Variants in MAP2K4 observed in about 807,000 individuals in gnomAD.
MAP2K4 encodes the protein dual specificity mitogen-activated protein kinase kinase 4.
In MAP2K4, 4 loss-of-function variants were observed where a neutral mutation model predicts 48.5. That is an observed-to-expected ratio of 0.08 (90% CI 0.04 to 0.19). The LOEUF is 0.19. Ranked by LOEUF, MAP2K4 falls within the 10% of genes least tolerant of loss-of-function variation. The pLI, the probability that MAP2K4 is intolerant of heterozygous loss-of-function variation, is 1.00. For missense variants in MAP2K4, 258 were observed against 493.3 expected (o/e 0.52, Z 4.52); for synonymous variants, 166 against 173.1 (o/e 0.96, Z 0.32).
intron 1 of MAP2K4, among the ~76,000 whole-genome samples, chr17:12,040,121 G>T (rs1173012488): frequency 6.6e-6 from 1 of 152,154 alleles, no homozygotes; most frequent in African/African-American, 2.4e-5. Context: ...CTGCCAGTGT[G>T]ATCCATATAG....
chr17:12,039,264 T>C (rs1567627798), intron 1 of MAP2K4, among the ~76,000 whole-genome samples: 1 of 152,196 alleles, frequency 6.6e-6, no homozygotes, highest in Non-Finnish European at 1.5e-5. Flanking sequence ...CCATGAACTT[T>C]GTGAGGACAG....
chr17:12,124,569 G>A (rs1279447210), intron 7 of MAP2K4: 1 of 152,052 alleles, frequency 6.6e-6, no homozygotes, highest in Admixed American at 6.5e-5. Context: ...TTGTGGTATG[G>A]CCTCATCCAC....
chr17:12,122,904 C>T (rs2151585542), intron 7 of MAP2K4, among the ~76,000 whole-genome samples: 1 of 152,168 alleles, frequency 6.6e-6, no homozygotes, highest in Middle Eastern at 3.4e-3. Context: ...ACATTATTTT[C>T]TTCCTTTCTA....
chr17:12,021,840 G>A (rs913325105), intron 1 of MAP2K4, among the ~76,000 whole-genome samples: 4 of 152,108 alleles, frequency 2.6e-5, no homozygotes, highest in Non-Finnish European at 5.9e-5. Flanking sequence ...ATTTGAGGCA[G>A]CTCTGCTAAT....
At chr17:12,105,472 GTTA>G (rs1191069308) in intron 4 of MAP2K4, among the ~76,000 whole-genome samples, 1 of 151,952 alleles carries the variant, frequency 6.6e-6, no homozygotes, top group African/African-American at 2.4e-5. Context: ...TATGTTATTG[GTTA>G]TATACGGATC....
intron 7 of MAP2K4, among the ~76,000 whole-genome samples, chr17:12,117,940 ATGTAT>A (rs1972555545): frequency 6.6e-6 from 1 of 152,204 alleles, no homozygotes; most frequent in Non-Finnish European, 1.5e-5. Context: ...GATCTTGGTA[ATGTAT>A]TAAAAGAGTG....
chr17:12,033,541 A>G (rs897273724), intron 1 of MAP2K4, among the ~76,000 whole-genome samples: 3 of 152,170 alleles, frequency 2.0e-5, no homozygotes, highest in African/African-American at 7.2e-5. Context: ...AAGTTTTTTT[A>G]ATTGGTTCAT....
chr17:12,026,778 A>T (rs1255262799), intron 1 of MAP2K4: 2 of 152,220 alleles, frequency 1.3e-5, no homozygotes, highest in African/African-American at 4.8e-5. Flanking sequence ...AGGGGGCGGA[A>T]GCTCCAAGCA....
intron 4 of MAP2K4, among the ~76,000 whole-genome samples, chr17:12,095,927 G>GTGTGTGTGTGTGTGTGTGTGTA (rs919908493): frequency 1.4e-5 from 2 of 143,734 alleles, no homozygotes; most frequent in African/African-American, 5.1e-5. Context: ...GTGTGTGTGT[G>GTGTGTGTGTGTGTGTGTGTGTA]TATTTTAGTA....
At position 12,143,739 on chromosome 17, in the gene MAP2K4, G is replaced by C; in HGVS notation, c.*2479G>C. 1 of 230,280 alleles carries C rather than the reference G, an allele frequency of 4.3e-6. No homozygotes were observed. The highest frequency in any genetic ancestry group is 8.6e-6 in the Non-Finnish European group (1 of 116,188). 14.3% of individuals were successfully genotyped at this position (230,280 alleles called of 1,614,324 possible). The stretch of plus-strand genomic sequence containing the variant: ...AAATCTAGGATGTGATGATGACTTT[G>C]TAATTTGATTTTCTGAAATCAGACC... On this transcript the variant is annotated 3_prime_UTR_variant, in exon 11 of 11. Transcript: ENST00000353533.
intron 7 of MAP2K4, among the ~76,000 whole-genome samples, chr17:12,117,024 C>A (rs1303885863): frequency 6.6e-6 from 1 of 152,130 alleles, no homozygotes; most frequent in Non-Finnish European, 1.5e-5. Flanking sequence ...CCTTATGGGA[C>A]AACCTTTGTA....
At chr17:12,103,714 AAT>A (rs1343126284) in intron 4 of MAP2K4, among the ~76,000 whole-genome samples, 1 of 152,104 alleles carries the variant, frequency 6.6e-6, no homozygotes, top group Non-Finnish European at 1.5e-5. Context: ...CATTTTACAT[AAT>A]ATCGCTTTAT....
At chr17:12,022,097 A>G (rs1362440025) in intron 1 of MAP2K4, among the ~76,000 whole-genome samples, 1 of 152,228 alleles carries the variant, frequency 6.6e-6, no homozygotes, top group Non-Finnish European at 1.5e-5. Context: ...CAGTGTGACC[A>G]TGGTTACTTT....
intron 9 of MAP2K4, among the ~76,000 whole-genome samples, chr17:12,138,887 C>T (rs1182064322): frequency 2.0e-5 from 3 of 152,082 alleles, no homozygotes; most frequent in African/African-American, 7.2e-5. Flanking sequence ...GTGGATCAGT[C>T]ATTAGAGATG....
intron 4 of MAP2K4, among the ~76,000 whole-genome samples, chr17:12,101,833 A>G (rs944978255): frequency 1.3e-5 from 2 of 152,148 alleles, no homozygotes; most frequent in African/African-American, 4.8e-5. Context: ...AAATGCACAA[A>G]TATCATTTGA....
chr17:12,092,722 A>AGTT (rs1567655878), intron 3 of MAP2K4, among the ~76,000 whole-genome samples: 3 of 152,204 alleles, frequency 2.0e-5, no homozygotes, highest in African/African-American at 4.8e-5. Context: ...ACCCTAAAAC[A>AGTT]TTAGTATAAT....
In MAP2K4 at chr17:12,110,386, A is replaced by T. The variant is rs1193669503; in HGVS notation, c.645A>T (p.Ala215=). The T allele has an allele frequency of 6.2e-7, 1 of 1,610,998 alleles. No individual in the cohort carries two copies. Among genetic ancestry groups the T allele is most frequent in the Admixed American group, 1.7e-5 (1 of 59,878 alleles). The change falls in exon 6 of 11, where the codon GCA becomes GCT. Residue 215 remains alanine, a synonymous_variant. Coordinates refer to ENST00000353533, the MANE Select transcript of MAP2K4 (RefSeq NM_003010.4). ...CTTTTTCTCCCTAGACTGTGAAAGC[A>T]CTAAACCACTTAAAAGAAAACTTGA... ...LGKITLATVK[A]LNHLKENLKI...
At chr17:12,082,968 G>C (rs1173035373) in intron 3 of MAP2K4, among the ~76,000 whole-genome samples, 2 of 152,232 alleles carry the variant, frequency 1.3e-5, no homozygotes, top group African/African-American at 2.4e-5. Context: ...GATGAATGTT[G>C]TGTTGTCCCT....
At chr17:12,137,970 G>A (rs558062532) in intron 9 of MAP2K4, among the ~76,000 whole-genome samples, 3 of 151,656 alleles carry the variant, frequency 2.0e-5, no homozygotes, top group East Asian at 1.9e-4. Flanking sequence ...CAAAATTACC[G>A]AGCAATATCA....
Sources: gnomAD v4.1 joint callset for allele counts (sites outside exome capture counted in the v4.1 genomes callset) on GRCh38, gnomAD v4.1.1 for gene constraint, MANE v1.5 for transcripts, NCBI Gene and HGNC (gene_info 2026-07-23, HGNC 2026-07-21) for gene names.